FSTL5: variants seen among roughly 807,000 people sequenced by gnomAD.
The protein encoded by FSTL5 is follistatin like 5.
In FSTL5, 62 loss-of-function variants were observed where a neutral mutation model predicts 89.1. The ratio of observed to expected loss-of-function variants is 0.70; its 90% CI spans 0.57 to 0.86. FSTL5 has a LOEUF of 0.86. Ranked by LOEUF, FSTL5 falls within the 40% of genes least tolerant of loss-of-function variation. The pLI, the probability that FSTL5 is intolerant of heterozygous loss-of-function variation, is 0.00. For missense variants in FSTL5, 1,057 were observed against 1,001.6 expected (o/e 1.06, Z -0.75); for synonymous variants, 383 against 346.2 (o/e 1.11, Z -1.18).
At chr4:161,444,639 A>G (rs1193180649) in intron 15 of FSTL5, among the ~76,000 whole-genome samples, 1 of 151,938 alleles carries the variant, frequency 6.6e-6, no homozygotes, top group African/African-American at 2.4e-5. Flanking sequence ...GTTTTCTGCA[A>G]GTAAATACAG....
intron 12 of FSTL5, among the ~76,000 whole-genome samples, chr4:161,481,987 G>GA (rs1259982915): frequency 2.0e-5 from 3 of 152,134 alleles, no homozygotes. Context: ...TTACAGTTAG[G>GA]AAAACCACTA....
rs553570093 is a variant in FSTL5, at chr4:161,635,388, A to AAAAC, written c.894+20936_894+20939dup. Among the ~76,000 whole-genome samples, 458 of 152,256 alleles carry AAAAC rather than the reference A, an allele frequency of 3.0e-3. 2 individuals carry two copies. The highest frequency in any genetic ancestry group is 6.9e-3 in the African/African-American group (288 of 41,552). On this transcript the variant is annotated intron_variant, in intron 7 of 15. Coordinates refer to ENST00000306100, the MANE Select transcript of FSTL5 (RefSeq NM_020116.5). ...GGGCGATAGAGTGAGACTCTGTCTC[A>AAAAC]AAACAAACAAACAAACAAAATTATA...
chr4:162,153,699 G>GTATATAATAATATT (rs1733334969), intron 1 of FSTL5, among the ~76,000 whole-genome samples: 1 of 131,526 alleles, frequency 7.6e-6, no homozygotes, highest in East Asian at 2.1e-4. Flanking sequence ...TAATATATAT[G>GTATATAATAATATT]TATATTATAT....
At chr4:161,668,261 T>A (rs1736967567) in intron 6 of FSTL5, among the ~76,000 whole-genome samples, 1 of 152,214 alleles carries the variant, frequency 6.6e-6, no homozygotes, top group Non-Finnish European at 1.5e-5. Context: ...ACAAATTTGA[T>A]AACCTAGGTT....
At chr4:161,711,217 T>A (rs1345703277) in intron 6 of FSTL5, among the ~76,000 whole-genome samples, 2 of 151,506 alleles carry the variant, frequency 1.3e-5, no homozygotes, top group Non-Finnish European at 2.9e-5. Flanking sequence ...ATAGAAAAAA[T>A]TAAGAAAACC....
At chr4:161,585,785 A>T (rs1177216113) in intron 8 of FSTL5, among the ~76,000 whole-genome samples, 2 of 152,166 alleles carry the variant, frequency 1.3e-5, no homozygotes, top group Admixed American at 1.3e-4. Context: ...TATAGGGACG[A>T]GCATCCTCAG....
chr4:161,432,788 G>C (rs56401070), intron 15 of FSTL5, among the ~76,000 whole-genome samples: 145 of 151,854 alleles, frequency 9.5e-4, no homozygotes, highest in Non-Finnish European at 1.7e-3. Context: ...GATCATTGGG[G>C]GTTACTGTGA....
At chr4:161,669,111 C>CAAAAAAAAAA (rs33950474) in intron 6 of FSTL5, among the ~76,000 whole-genome samples, 3 of 104,630 alleles carry the variant, frequency 2.9e-5, no homozygotes, top group Admixed American at 1.1e-4. Context: ...GACTCTGTCT[C>CAAAAAAAAAA]AAAAAAAAAA....
intron 3 of FSTL5, among the ~76,000 whole-genome samples, chr4:161,987,692 A>T (rs1314515136): frequency 6.7e-6 from 1 of 150,290 alleles, no homozygotes; most frequent in African/African-American, 2.4e-5. Context: ...TTACCAAACT[A>T]AAAGTGGAAG....
intron 13 of FSTL5, among the ~76,000 whole-genome samples, chr4:161,480,257 T>C (rs1729452830): frequency 6.6e-6 from 1 of 152,212 alleles, no homozygotes; most frequent in South Asian, 2.1e-4. Context: ...GTAAGATACA[T>C]ATATTTATTA....
intron 4 of FSTL5, among the ~76,000 whole-genome samples, chr4:161,788,165 G>A (rs572560691): frequency 6.6e-6 from 1 of 152,152 alleles, no homozygotes; most frequent in South Asian, 2.1e-4. Context: ...ACATCTTTAT[G>A]GGTATGTTTC....
intron 8 of FSTL5, among the ~76,000 whole-genome samples, chr4:161,583,131 G>A (rs1045699044): frequency 6.6e-6 from 1 of 152,170 alleles, no homozygotes. Context: ...AACCCAGGGG[G>A]CGGAGGTTGC....
At chr4:161,473,289 T>A (rs896540807) in intron 13 of FSTL5, among the ~76,000 whole-genome samples, 1 of 152,224 alleles carries the variant, frequency 6.6e-6, no homozygotes, top group Non-Finnish European at 1.5e-5. Flanking sequence ...TATTTCTCAA[T>A]TCTGTCAGCT....
chr4:161,430,717 G>A (rs900095432), intron 15 of FSTL5, among the ~76,000 whole-genome samples: 1 of 152,132 alleles, frequency 6.6e-6, no homozygotes, highest in East Asian at 1.9e-4. Context: ...TCCAGCCTGG[G>A]CGACAGAGCG....
At chr4:161,849,528 TACACAC>T (rs35353090) in intron 4 of FSTL5, among the ~76,000 whole-genome samples, 3,296 of 146,864 alleles carry the variant, frequency 0.022, 89 homozygotes, top group African/African-American at 0.067. Context: ...GCCCTCGACC[TACACAC>T]ACACACACAC....
chr4:162,115,989 G>C (rs1409878383), intron 1 of FSTL5, among the ~76,000 whole-genome samples: 1 of 152,134 alleles, frequency 6.6e-6, no homozygotes, highest in African/African-American at 2.4e-5. Flanking sequence ...AAGAAGAAAA[G>C]TGTCGTAGCA....
intron 15 of FSTL5, among the ~76,000 whole-genome samples, chr4:161,393,081 T>C (rs1364795687): frequency 6.6e-6 from 1 of 151,918 alleles, no homozygotes; most frequent in East Asian, 1.9e-4. Flanking sequence ...GGAGAATCAC[T>C]TGAACCCGGG....
intron 7 of FSTL5, among the ~76,000 whole-genome samples, chr4:161,619,667 A>G (rs1177795442): frequency 4.6e-5 from 7 of 152,166 alleles, no homozygotes; most frequent in Non-Finnish European, 8.8e-5. Flanking sequence ...TAGAATGGCA[A>G]TCATTAAAAA....
intron 6 of FSTL5, among the ~76,000 whole-genome samples, chr4:161,756,045 G>C (rs916009025): frequency 6.6e-6 from 1 of 152,006 alleles, no homozygotes; most frequent in Non-Finnish European, 1.5e-5. Context: ...CTGTATCTCT[G>C]AGGGATCATT....
Sources: allele counts gnomAD v4.1 joint callset (sites outside exome capture counted in the v4.1 genomes callset), GRCh38; gene constraint gnomAD v4.1.1; transcripts MANE v1.5; gene names NCBI Gene and HGNC (gene_info 2026-07-23, HGNC 2026-07-21).